MTAP: variants seen among roughly 807,000 people sequenced by gnomAD.
MTAP encodes S-methyl-5'-thioadenosine phosphorylase.
Under a neutral mutation model 33.6 loss-of-function variants are expected in MTAP, and 33 were observed. The ratio of observed to expected loss-of-function variants is 0.98; its 90% CI spans 0.74 to 1.31. The LOEUF is 1.31. Among genes scored for constraint, MTAP ranks in the 40% most tolerant of loss-of-function variants. The probability of loss-of-function intolerance (pLI) is 0.00; values close to 1 mark genes in which losing one functional copy is unlikely to be tolerated. For synonymous variants in MTAP, 148 were observed against 125.7 expected (o/e 1.18, Z -1.19); for missense variants, 367 against 360.0 (o/e 1.02, Z -0.16).
intron 1 of MTAP, among the ~76,000 whole-genome samples, chr9:21,914,998 TC>T (rs1563869248): frequency 2.2e-4 from 26 of 118,384 alleles, no homozygotes; most frequent in African/African-American, 1.1e-3. Flanking sequence ...TACTTTGTTT[TC>T]TTTCCTTCCT....
intron 4 of MTAP, among the ~76,000 whole-genome samples, chr9:21,823,896 A>T (rs1824714587): frequency 1.3e-5 from 2 of 152,224 alleles, no homozygotes; most frequent in Non-Finnish European, 2.9e-5. Flanking sequence ...CAGTTGATGG[A>T]ATCGGCTACT....
chr9:21,853,914 AAATG>A (rs1383425029), intron 5 of MTAP, among the ~76,000 whole-genome samples: 2 of 152,202 alleles, frequency 1.3e-5, no homozygotes, highest in African/African-American at 4.8e-5. Context: ...AGCTAAGAAA[AAATG>A]AAGGTAATTA....
At chr9:21,845,972 C>A (rs1173184093) in intron 5 of MTAP, among the ~76,000 whole-genome samples, 2 of 152,086 alleles carry the variant, frequency 1.3e-5, no homozygotes, top group African/African-American at 4.8e-5. Flanking sequence ...ATATTTACAG[C>A]CAACTGATCT....
chr9:21,922,354 A>C lies in MTAP; in HGVS notation c.148-8654A>C, dbSNP rs1276454384. Among the ~76,000 whole-genome samples, 2 of 151,930 alleles carry C rather than the reference A, an allele frequency of 1.3e-5. No homozygotes were observed. ...ACTCCAGAAGCATGCCAACATATAAAACCCCAAGTCAAAGGTCAAACAGGG... is the reference window on the plus strand; with the variant it reads ...ACTCCAGAAGCATGCCAACATATAACACCCCAAGTCAAAGGTCAAACAGGG... On this transcript the variant is annotated intron_variant, in intron 1 of 1. Coordinates refer to the MTAP transcript ENST00000577563. This position sits in a 1 kb window ranked among gnomAD's most constrained non-coding sequence, Gnocchi z 4.8.
At chr9:21,882,711 C>A (rs73440439) in intron 1 of MTAP, among the ~76,000 whole-genome samples, 4,609 of 151,940 alleles carry the variant, frequency 0.03, 190 homozygotes, top group African/African-American at 0.084. Flanking sequence ...GTACATTTAC[C>A]AGAACTGATG....
At chr9:21,895,576 C>T (rs1818277655) in intron 1 of MTAP, among the ~76,000 whole-genome samples, 1 of 152,208 alleles carries the variant, frequency 6.6e-6, no homozygotes, top group Non-Finnish European at 1.5e-5. Flanking sequence ...GAAGTTGTGA[C>T]AGATGGTACC....
At chr9:21,907,030 T>C (rs1818488368) in intron 1 of MTAP, among the ~76,000 whole-genome samples, 2 of 152,138 alleles carry the variant, frequency 1.3e-5, no homozygotes, top group Admixed American at 6.5e-5. Flanking sequence ...GGTATATGAT[T>C]GTATGAAGGA....
At chr9:21,820,056 G>A (rs1824592972) in intron 4 of MTAP, among the ~76,000 whole-genome samples, 1 of 152,148 alleles carries the variant, frequency 6.6e-6, no homozygotes, top group Non-Finnish European at 1.5e-5. Context: ...TTAGTCAGAT[G>A]CGTAGGTTGC....
intron 1 of MTAP, among the ~76,000 whole-genome samples, chr9:21,874,443 A>G (rs1366907374): frequency 1.3e-5 from 2 of 152,176 alleles, no homozygotes; most frequent in Non-Finnish European, 2.9e-5. Context: ...ATACATTGCA[A>G]TTGGTTAATA....
chr9:21,887,076 G>A (rs1037223150), intron 1 of MTAP, among the ~76,000 whole-genome samples: 14 of 151,962 alleles, frequency 9.2e-5, no homozygotes, highest in African/African-American at 2.9e-4. Context: ...ATGAACATGG[G>A]ATGTGTTTTC....
rs200112277 is a variant in MTAP, at chr9:21,915,083, TC to T, written c.148-15923del. On this transcript the variant is annotated intron_variant, in intron 1 of 1. Coordinates refer to the MTAP transcript ENST00000577563. ...TTCTTTCTTTCTTTCTTTCTTTCTT[TC>T]CTTTCTTTCTTTTCTTTCGGCAGAG... is the stretch of plus-strand genomic sequence containing the variant. 2.7e-3 allele frequency among the ~76,000 whole-genome samples: 226 copies of T among 84,814 alleles called. 9 individuals are homozygous for T. Among genetic ancestry groups the T allele is most frequent in the East Asian group, 0.012 (21 of 1,770 alleles). The allele number at this position is 84,814 out of a possible 152,430, so 55.6% of individuals were successfully genotyped here.
At chr9:21,906,932 T>C (rs1226251867) in intron 1 of MTAP, among the ~76,000 whole-genome samples, 1 of 152,214 alleles carries the variant, frequency 6.6e-6, no homozygotes, top group Non-Finnish European at 1.5e-5. Context: ...TTGGCAGTAA[T>C]TCAGTAAATT....
intron 4 of MTAP, among the ~76,000 whole-genome samples, chr9:21,823,606 C>T (rs1455364174): frequency 6.6e-6 from 1 of 152,096 alleles, no homozygotes; most frequent in African/African-American, 2.4e-5. Context: ...TTGCTCTTCT[C>T]GAGGAGTATC....
Position 21,865,204 on chromosome 9 carries a change from C to A in MTAP, c.*3190C>A, listed in dbSNP as rs1001442356. 2 of 607,824 alleles carry A rather than the reference C, an allele frequency of 3.3e-6. No individual in the cohort carries two copies. Among genetic ancestry groups the A allele is most frequent in the Non-Finnish European group, 4.1e-6 (2 of 485,254 alleles). The allele number at this position is 607,824 out of a possible 1,614,324, so 37.7% of individuals were successfully genotyped here. Reference sequence around the variant, plus strand: ...GTGGTTACCCCCACACTGCTGTTCTCATGATACTGAGTTCTCACAAGTCCT... The same window carrying A: ...GTGGTTACCCCCACACTGCTGTTCTAATGATACTGAGTTCTCACAAGTCCT... On this transcript the variant is annotated 3_prime_UTR_variant, in exon 8 of 8. Coordinates refer to ENST00000644715, the MANE Select transcript of MTAP (RefSeq NM_002451.4).
At chr9:21,844,466 T>C (rs1435409621) in intron 5 of MTAP, among the ~76,000 whole-genome samples, 1 of 152,194 alleles carries the variant, frequency 6.6e-6, no homozygotes, top group Non-Finnish European at 1.5e-5. Flanking sequence ...TGTACGTAGA[T>C]GCAAAAATCC....
chr9:21,903,807 G>C (rs1010181220), intron 1 of MTAP, among the ~76,000 whole-genome samples: 1 of 152,166 alleles, frequency 6.6e-6, no homozygotes, highest in Non-Finnish European at 1.5e-5. Context: ...GTGTCTAGGG[G>C]TGAATATTTA....
At chr9:21,936,291 G>C (rs1587309636) in exon 8 of MTAP, 1 of 152,304 alleles carries the variant, frequency 6.6e-6, no homozygotes, top group Non-Finnish European at 1.5e-5. Context: ...TTCCACATTG[G>C]AGGCCATGCT....
At chr9:21,911,245 C>T (rs1441146452) in intron 1 of MTAP, among the ~76,000 whole-genome samples, 1 of 152,088 alleles carries the variant, frequency 6.6e-6, no homozygotes, top group East Asian at 1.9e-4. Context: ...ACAAGGATAT[C>T]CAGGAATTGA....
At chr9:21,912,487 T>A (rs965789147) in intron 1 of MTAP, among the ~76,000 whole-genome samples, 7 of 152,046 alleles carry the variant, frequency 4.6e-5, no homozygotes, top group African/African-American at 1.7e-4. Context: ...CATACACAAA[T>A]CAATAAACGT....
Sources: gnomAD v4.1 joint callset for allele counts (sites outside exome capture counted in the v4.1 genomes callset) on GRCh38, gnomAD v4.1.1 for gene constraint, Gnocchi (gnomAD v3.1) non-coding constraint, MANE v1.5 for transcripts, NCBI Gene and HGNC (gene_info 2026-07-23, HGNC 2026-07-21) for gene names.